The following DCDC1 variants were observed in gnomAD, a reference collection of about 807,000 sequenced individuals.
The protein encoded by DCDC1 is doublecortin domain containing 1, also known as doublecortin domain-containing protein 1.
DCDC1 carries 200 observed loss-of-function variants against 178.3 expected under a neutral mutation model. The ratio of observed to expected loss-of-function variants is 1.12; its 90% CI spans 1.00 to 1.26. The LOEUF (loss-of-function observed/expected upper bound fraction) is 1.26. Ranked by LOEUF, DCDC1 falls within the 50% of genes most tolerant of loss-of-function variation. DCDC1 has a pLI of 0.00. For synonymous variants in DCDC1, 690 were observed against 604.8 expected, an observed-to-expected ratio of 1.14 and a Z score of -2.07; for missense variants, 1,983 against 1,749.2, an observed-to-expected ratio of 1.13 and a Z score of -2.38.
intron 9 of DCDC1, among the ~76,000 whole-genome samples, chr11:31,229,084 T>C (rs574749801): frequency 6.6e-6 from 1 of 152,200 alleles, no homozygotes; most frequent in Non-Finnish European, 1.5e-5. Flanking sequence ...AATAACTATA[T>C]GTCTACTAAA....
At chr11:30,958,800 T>C (rs556028114) in intron 20 of DCDC1, among the ~76,000 whole-genome samples, 74 of 152,246 alleles carry the variant, frequency 4.9e-4, no homozygotes, top group African/African-American at 1.8e-3. Context: ...TGCCAGTGGA[T>C]GCAATAAGTC....
chr11:30,896,638 T>C (rs1310702197), intron 34 of DCDC1, among the ~76,000 whole-genome samples: 1 of 152,220 alleles, frequency 6.6e-6, no homozygotes, highest in Non-Finnish European at 1.5e-5. Context: ...CATGTAACAC[T>C]GATCATTTAG....
chr11:30,937,830 C>T (rs1043295415), intron 21 of DCDC1, among the ~76,000 whole-genome samples: 1 of 152,086 alleles, frequency 6.6e-6, no homozygotes, highest in Non-Finnish European at 1.5e-5. Flanking sequence ...AGGAAAACAA[C>T]AACAAAACCT....
chr11:31,074,247 C>T (rs993164846), intron 18 of DCDC1, among the ~76,000 whole-genome samples: 36 of 152,308 alleles, frequency 2.4e-4, no homozygotes, highest in Admixed American at 3.3e-4. Flanking sequence ...CAGTAGTATT[C>T]ACTGTAAACT....
chr11:31,135,571 A>G (rs1479781599), intron 10 of DCDC1, among the ~76,000 whole-genome samples: 1 of 152,180 alleles, frequency 6.6e-6, no homozygotes, highest in African/African-American at 2.4e-5. Context: ...CTTTCCAAGT[A>G]ATCACACAGA....
chr11:30,930,233 T>C (rs1326521179), intron 22 of DCDC1, among the ~76,000 whole-genome samples: 1 of 152,106 alleles, frequency 6.6e-6, no homozygotes, highest in Non-Finnish European at 1.5e-5. Flanking sequence ...AACTCTAGGA[T>C]GCCATTCATA....
At chr11:31,196,949 T>C (rs180918876) in intron 9 of DCDC1, among the ~76,000 whole-genome samples, 3 of 152,262 alleles carry the variant, frequency 2.0e-5, no homozygotes, top group Admixed American at 6.6e-5. Context: ...CTAAAGATTC[T>C]AAGGATTTTA....
chr11:30,996,314 C>G (rs1248973647), intron 20 of DCDC1, among the ~76,000 whole-genome samples: 1 of 152,152 alleles, frequency 6.6e-6, no homozygotes, highest in Non-Finnish European at 1.5e-5. Context: ...TGCAGAGCAA[C>G]AGGAGCTTTC....
At chr11:31,327,839 T>C (rs564749034) in intron 3 of DCDC1, among the ~76,000 whole-genome samples, 1 of 152,258 alleles carries the variant, frequency 6.6e-6, no homozygotes, top group African/African-American at 2.4e-5. Context: ...GCGATTCTCC[T>C]GCCTTAGCCT....
At chr11:31,202,875 C>T (rs1971458374) in intron 9 of DCDC1, among the ~76,000 whole-genome samples, 1 of 152,000 alleles carries the variant, frequency 6.6e-6, no homozygotes, top group Non-Finnish European at 1.5e-5. Context: ...AGCAGCTGAC[C>T]CACTGTTTCG....
At chr11:30,872,947 C>A (rs597042) in intron 38 of DCDC1, among the ~76,000 whole-genome samples, 2 of 151,726 alleles carry the variant, frequency 1.3e-5, no homozygotes, top group Non-Finnish European at 2.9e-5. Context: ...ACATTCACCT[C>A]TGCATGCCCA....
chr11:31,190,299 GATAA>G (rs1265615168), intron 9 of DCDC1, among the ~76,000 whole-genome samples: 1 of 152,098 alleles, frequency 6.6e-6, no homozygotes, highest in Non-Finnish European at 1.5e-5. Flanking sequence ...AGGCTGAGCA[GATAA>G]ATAATTTGTT....
chr11:31,338,577 C>G (rs1277691154), intron 1 of DCDC1, among the ~76,000 whole-genome samples: 2 of 152,154 alleles, frequency 1.3e-5, no homozygotes, highest in African/African-American at 2.4e-5. Flanking sequence ...CTAGCTGAAG[C>G]CTTTTTTCCA....
At position 31,156,649 on chromosome 11, in the gene DCDC1, A is replaced by G. The variant is rs554822469; in HGVS notation, c.1222-18865T>C. On this transcript the variant is annotated intron_variant, in intron 9 of 38. Coordinates refer to ENST00000684477, the MANE Select transcript of DCDC1 (RefSeq NM_001387274.1). The stretch of plus-strand genomic sequence containing the variant: ...GTCCAGTGTGAATTTTACATTTGCA[A>G]CATGTCTTAATTTGGACTAGACACA... Among the ~76,000 whole-genome samples the G allele has an allele frequency of 1.6e-4, 25 of 152,318 alleles. No individual in the cohort carries two copies. In the South Asian group the frequency reaches 4.8e-3, roughly 29 times the overall value.
At chr11:30,938,989 T>C (rs2134372628) in intron 21 of DCDC1, among the ~76,000 whole-genome samples, 1 of 152,278 alleles carries the variant, frequency 6.6e-6, no homozygotes, top group Middle Eastern at 3.4e-3. Context: ...AGTCAACTGC[T>C]TTGTCTGTCT....
intron 20 of DCDC1, among the ~76,000 whole-genome samples, chr11:31,016,599 G>A (rs181181141): frequency 3.9e-5 from 6 of 152,272 alleles, no homozygotes; most frequent in Admixed American, 3.9e-4. Flanking sequence ...TATTTAAATT[G>A]AGTCTTTAAT....
chr11:31,229,242 C>A (rs1181151680), intron 9 of DCDC1, among the ~76,000 whole-genome samples: 1 of 152,006 alleles, frequency 6.6e-6, no homozygotes, highest in Non-Finnish European at 1.5e-5. Context: ...CATCTCAACT[C>A]ATTTGATGAA....
intron 9 of DCDC1, among the ~76,000 whole-genome samples, chr11:31,178,083 T>C (rs1219968596): frequency 6.6e-6 from 1 of 152,228 alleles, no homozygotes; most frequent in Admixed American, 6.5e-5. Flanking sequence ...AATATACATT[T>C]GTCTCAATGG....
chr11:31,015,660 G>T (rs917783641), intron 20 of DCDC1, among the ~76,000 whole-genome samples: 1 of 152,196 alleles, frequency 6.6e-6, no homozygotes, highest in Non-Finnish European at 1.5e-5. Flanking sequence ...TATTTCAAGG[G>T]TATGAATGCG....
Sources: allele counts gnomAD v4.1 joint callset (sites outside exome capture counted in the v4.1 genomes callset), GRCh38; gene constraint gnomAD v4.1.1; transcripts MANE v1.5; gene names NCBI Gene and HGNC (gene_info 2026-07-23, HGNC 2026-07-21).